The following ZNF423 variants were observed in gnomAD, a reference collection of about 807,000 sequenced individuals.
The protein encoded by ZNF423 is zinc finger protein 423, also known as Ebf-associated zinc finger protein.
In ZNF423, 12 loss-of-function variants were observed where a neutral mutation model predicts 95.8. That is an observed-to-expected ratio of 0.13 (90% CI 0.08 to 0.20). The LOEUF (loss-of-function observed/expected upper bound fraction) is 0.20. ZNF423 is among the 10% of genes least tolerant of loss of function. The pLI is 1.00. For missense variants in ZNF423, 1,316 were observed against 1,737.1 expected, an observed-to-expected ratio of 0.76 and a Z score of 4.31; for synonymous variants, 749 against 711.9, an observed-to-expected ratio of 1.05 and a Z score of -0.83.
At chr16:49,773,320 CA>C (rs895216678) in intron 2 of ZNF423, among the ~76,000 whole-genome samples, 4 of 143,628 alleles carry the variant, frequency 2.8e-5, no homozygotes, top group African/African-American at 2.6e-5. Flanking sequence ...CTCCATCTCA[CA>C]AAAAAAAAAC....
intron 5 of ZNF423, among the ~76,000 whole-genome samples, chr16:49,538,427 C>A (rs1288415966): frequency 6.6e-6 from 1 of 152,206 alleles, no homozygotes; most frequent in Non-Finnish European, 1.5e-5. Flanking sequence ...GCAATTCACC[C>A]TTTGCTCTCC....
intron 5 of ZNF423, among the ~76,000 whole-genome samples, chr16:49,620,132 T>TACACACACAC (rs56739115): frequency 4.1e-4 from 59 of 143,876 alleles, no homozygotes; most frequent in Admixed American, 1.2e-3. Context: ...CTCTCTCTTC[T>TACACACACAC]ACACACACAC....
chr16:49,514,831 G>A (rs922046229), intron 7 of ZNF423, among the ~76,000 whole-genome samples: 2 of 152,170 alleles, frequency 1.3e-5, no homozygotes, highest in Admixed American at 6.5e-5. Flanking sequence ...ATTCCAGGGC[G>A]TGGCGCTGGT....
chr16:49,749,633 G>A (rs2033595571), intron 2 of ZNF423, among the ~76,000 whole-genome samples: 1 of 152,224 alleles, frequency 6.6e-6, no homozygotes, highest in African/African-American at 2.4e-5. Flanking sequence ...TGCGCCACAC[G>A]CTGATTTGTA....
intron 7 of ZNF423, among the ~76,000 whole-genome samples, chr16:49,519,810 C>T (rs896596371): frequency 3.3e-5 from 5 of 152,156 alleles, no homozygotes; most frequent in African/African-American, 9.7e-5. Flanking sequence ...CTTCACTGTC[C>T]TGAAAACCTT....
chr16:49,768,254 G>C (rs566313279), intron 2 of ZNF423, among the ~76,000 whole-genome samples: 2 of 152,152 alleles, frequency 1.3e-5, no homozygotes, highest in Non-Finnish European at 2.9e-5. Context: ...GGCGCGGCGC[G>C]GACACCCCCG....
chr16:49,499,382 T>C (rs775686916), intron 7 of ZNF423, among the ~76,000 whole-genome samples: 1 of 152,218 alleles, frequency 6.6e-6, no homozygotes, highest in Non-Finnish European at 1.5e-5. Flanking sequence ...AGAGCCTCAA[T>C]TCATCCGGAA....
chr16:49,500,050 T>C (rs1015297749), intron 7 of ZNF423, among the ~76,000 whole-genome samples: 3 of 152,266 alleles, frequency 2.0e-5, no homozygotes, highest in East Asian at 1.9e-4. Context: ...AGACTTTAGA[T>C]AGCAGCCGTG....
At chr16:49,777,547 C>G (rs2034141522) in intron 2 of ZNF423, among the ~76,000 whole-genome samples, 1 of 152,226 alleles carries the variant, frequency 6.6e-6, no homozygotes, top group Non-Finnish European at 1.5e-5. Context: ...CCCACACTGA[C>G]CCTGGTGGCT....
intron 3 of ZNF423, among the ~76,000 whole-genome samples, chr16:49,713,658 GT>G (rs1223439460): frequency 5.3e-5 from 8 of 152,172 alleles, no homozygotes; most frequent in African/African-American, 9.7e-5. Flanking sequence ...CCATCTCCCG[GT>G]TTGAGTGCGC....
At chr16:49,582,450 A>C (rs1225750838) in intron 5 of ZNF423, among the ~76,000 whole-genome samples, 2 of 152,286 alleles carry the variant, frequency 1.3e-5, no homozygotes, top group African/African-American at 4.8e-5. Context: ...GTTACGGTGC[A>C]GCCATAAAAT....
chr16:49,748,954 G>T (rs1237606482), intron 2 of ZNF423, among the ~76,000 whole-genome samples: 1 of 152,196 alleles, frequency 6.6e-6, no homozygotes, highest in South Asian at 2.1e-4. Context: ...GAAGTCCAGC[G>T]CATGGTAAAG....
At chr16:49,665,738 A>C (rs1399827467) in intron 3 of ZNF423, among the ~76,000 whole-genome samples, 3 of 152,162 alleles carry the variant, frequency 2.0e-5, no homozygotes, top group Non-Finnish European at 2.9e-5. Context: ...AATCCCACAA[A>C]GCCATCATCC....
At chr16:49,685,586 C>T (rs566567820) in intron 3 of ZNF423, among the ~76,000 whole-genome samples, 1 of 152,302 alleles carries the variant, frequency 6.6e-6, no homozygotes, top group East Asian at 1.9e-4. Context: ...GATGCCCAAG[C>T]CAGGAAACCA....
intron 1 of ZNF423, among the ~76,000 whole-genome samples, chr16:49,806,982 G>T (rs558936271): frequency 6.7e-6 from 1 of 150,368 alleles, no homozygotes; most frequent in African/African-American, 2.5e-5. Flanking sequence ...AGCCGAGATC[G>T]TGCCATTGCA....
intron 2 of ZNF423, among the ~76,000 whole-genome samples, chr16:49,770,650 G>T (rs537280320): frequency 4.3e-4 from 65 of 152,078 alleles, no homozygotes; most frequent in Non-Finnish European, 7.2e-4. Flanking sequence ...CTGCCACTTT[G>T]GAGTAGGTGG....
At chr16:49,626,637 C>T (rs1972282459) in intron 4 of ZNF423, among the ~76,000 whole-genome samples, 1 of 151,492 alleles carries the variant, frequency 6.6e-6, no homozygotes. Context: ...AATCACCCAT[C>T]TACCCATTCA....
intron 3 of ZNF423, among the ~76,000 whole-genome samples, chr16:49,661,376 G>T (rs1034720189): frequency 1.3e-5 from 2 of 152,202 alleles, no homozygotes; most frequent in Admixed American, 1.3e-4. Context: ...GCAGGCATGT[G>T]TGTCTTCCCC....
intron 5 of ZNF423, among the ~76,000 whole-genome samples, chr16:49,544,496 T>C (rs555090447): frequency 6.6e-6 from 1 of 152,198 alleles, no homozygotes; most frequent in Admixed American, 6.5e-5. Flanking sequence ...GAATAAAATA[T>C]TTGGGATGGG....
Sources: gnomAD v4.1 joint callset for allele counts (sites outside exome capture counted in the v4.1 genomes callset) on GRCh38, gnomAD v4.1.1 for gene constraint, MANE v1.5 for transcripts, NCBI Gene and HGNC (gene_info 2026-07-23, HGNC 2026-07-21) for gene names.